RIMS1: variants seen among roughly 807,000 people sequenced by gnomAD.
The protein encoded by RIMS1 is regulating synaptic membrane exocytosis protein 1.
In RIMS1, 83 loss-of-function variants were observed where a neutral mutation model predicts 214.1. The observed-to-expected ratio is 0.39, with a 90% CI of 0.32 to 0.47. The LOEUF (loss-of-function observed/expected upper bound fraction) is 0.47. Among genes scored for constraint, RIMS1 ranks in the 20% least tolerant of loss-of-function variants. RIMS1 has a pLI of 0.99. For missense variants in RIMS1, 2,050 were observed against 2,161.8 expected (o/e 0.95, Z 1.03); for synonymous variants, 793 against 786.8 (o/e 1.01, Z -0.13).
intron 22 of RIMS1, among the ~76,000 whole-genome samples, chr6:72,272,206 C>T (rs1385066179): frequency 6.6e-6 from 1 of 152,026 alleles, no homozygotes; most frequent in African/African-American, 2.4e-5. Context: ...GTATATTTCT[C>T]AATAACCAGA....
At chr6:72,177,281 T>C (rs1291535869) in intron 4 of RIMS1, among the ~76,000 whole-genome samples, 1 of 152,218 alleles carries the variant, frequency 6.6e-6, no homozygotes, top group Non-Finnish European at 1.5e-5. Flanking sequence ...AGATGGAGTC[T>C]CGCTCTATCG....
chr6:72,008,798 A>C (rs1206051987), intron 2 of RIMS1, among the ~76,000 whole-genome samples: 1 of 152,216 alleles, frequency 6.6e-6, no homozygotes, highest in Non-Finnish European at 1.5e-5. Flanking sequence ...TATGCATGCA[A>C]TACAGGAGCA....
chr6:72,142,096 T>A (rs2042145060), intron 4 of RIMS1, among the ~76,000 whole-genome samples: 1 of 152,034 alleles, frequency 6.6e-6, no homozygotes, highest in South Asian at 2.1e-4. Context: ...ATCACTGTTT[T>A]TAAATTTGTA....
chr6:71,952,556 C>G (rs1452698709), intron 1 of RIMS1, among the ~76,000 whole-genome samples: 1 of 152,168 alleles, frequency 6.6e-6, no homozygotes, highest in Non-Finnish European at 1.5e-5. Flanking sequence ...GTGGTGTCCC[C>G]TCAGAGAGCA....
intron 6 of RIMS1, among the ~76,000 whole-genome samples, chr6:72,202,077 G>A (rs1477368612): frequency 6.6e-6 from 1 of 152,180 alleles, no homozygotes; most frequent in Non-Finnish European, 1.5e-5. Context: ...TTTAACTACT[G>A]AGCTAAACTT....
At chr6:72,281,725 C>T (rs1036823218) in intron 23 of RIMS1, among the ~76,000 whole-genome samples, 2 of 151,960 alleles carry the variant, frequency 1.3e-5, no homozygotes, top group Non-Finnish European at 2.9e-5. Context: ...ATCTCCTTCA[C>T]TTTACATCTT....
intron 4 of RIMS1, chr6:72,126,761 TAAAAAAAAAAA>T: frequency 8.1e-6 from 1 of 124,098 alleles, no homozygotes; most frequent in Non-Finnish European, 1.6e-5. Flanking sequence ...ATTAAAAAGT[TAAAAAAAAAAA>T]AAAAAAAAAA....
chr6:72,146,352 T>C (rs1453504236), intron 4 of RIMS1, among the ~76,000 whole-genome samples: 1 of 152,242 alleles, frequency 6.6e-6, no homozygotes, highest in Non-Finnish European at 1.5e-5. Context: ...CCTTTTATGT[T>C]ACACGAAAAT....
At position 72,182,563 on chromosome 6, in the gene RIMS1, C is replaced by T. The variant is rs2048531386; in HGVS notation, c.1092C>T (p.Tyr364=). 6 of 1,550,422 alleles carry T rather than the reference C, an allele frequency of 3.9e-6. No individual in the cohort carries two copies. Among genetic ancestry groups the T allele is most frequent in the Non-Finnish European group, 5.2e-6 (6 of 1,147,628 alleles). ...RYRSDPNLAR[Y]PVKPPPEEQQ... Reference sequence around the variant, plus strand: ...GCAGCGACCCGAACCTAGCTCGGTACCCGGTGAAACCGCCGCCTGAGGAGC... The same window carrying T: ...GCAGCGACCCGAACCTAGCTCGGTATCCGGTGAAACCGCCGCCTGAGGAGC... The change falls in exon 6 of 34, where the codon TAC becomes TAT. Residue 364 remains tyrosine, a synonymous_variant. Transcript: ENST00000521978.
At chr6:72,173,964 T>G (rs565045282) in intron 4 of RIMS1, among the ~76,000 whole-genome samples, 14 of 141,404 alleles carry the variant, frequency 9.9e-5, no homozygotes, top group South Asian at 2.3e-4. Context: ...AAGTGGTCAT[T>G]CTGCATATGG....
At chr6:71,899,766 C>T (rs989676827) in intron 1 of RIMS1, among the ~76,000 whole-genome samples, 2 of 152,110 alleles carry the variant, frequency 1.3e-5, no homozygotes, top group Admixed American at 6.6e-5. Context: ...CTGTAGCTAA[C>T]TGGACTAATG....
intron 4 of RIMS1, among the ~76,000 whole-genome samples, chr6:72,101,296 C>A (rs1199822167): frequency 6.6e-6 from 1 of 151,894 alleles, no homozygotes; most frequent in African/African-American, 2.4e-5. Flanking sequence ...GTGGAAAGAC[C>A]TGTAAAATAT....
At chr6:72,022,277 T>A (rs1012638534) in intron 2 of RIMS1, among the ~76,000 whole-genome samples, 1 of 152,154 alleles carries the variant, frequency 6.6e-6, no homozygotes, top group Non-Finnish European at 1.5e-5. Flanking sequence ...TGTTTACACA[T>A]AAAGGTGGAG....
At chr6:72,380,709 T>G (rs550108232) in intron 29 of RIMS1, among the ~76,000 whole-genome samples, 1 of 152,212 alleles carries the variant, frequency 6.6e-6, no homozygotes, top group Admixed American at 6.5e-5. Context: ...TACTTTTTTT[T>G]AAAATTGAGA....
intron 4 of RIMS1, among the ~76,000 whole-genome samples, chr6:72,100,376 C>A (rs1272335647): frequency 6.6e-6 from 1 of 151,916 alleles, no homozygotes; most frequent in Non-Finnish European, 1.5e-5. Context: ...ATGGAAAACA[C>A]TTAGTAAAGG....
intron 2 of RIMS1, among the ~76,000 whole-genome samples, chr6:72,059,099 A>G (rs1290477723): frequency 6.6e-6 from 1 of 152,222 alleles, no homozygotes; most frequent in Non-Finnish European, 1.5e-5. Context: ...ATTCATGATT[A>G]TCACTGGGAA....
chr6:72,194,548 C>A lies in RIMS1; in HGVS notation c.1678+11399C>A, dbSNP rs1047200437. Among the ~76,000 whole-genome samples the A allele has an allele frequency of 2.0e-5, 3 of 151,782 alleles. No individual in the cohort carries two copies. In the South Asian group the frequency reaches 6.2e-4, roughly 31 times the overall value. Reference sequence around the variant, plus strand: ...TTTATATTCTATTGAGAAAAATAAACAATAAGGAATAATTACACAATAAAA... The same window carrying A: ...TTTATATTCTATTGAGAAAAATAAAAAATAAGGAATAATTACACAATAAAA... On this transcript the variant is annotated intron_variant, in intron 6 of 33. Transcript: ENST00000521978.
intron 2 of RIMS1, among the ~76,000 whole-genome samples, chr6:72,019,547 A>G (rs1332089036): frequency 6.6e-6 from 1 of 152,222 alleles, no homozygotes; most frequent in Non-Finnish European, 1.5e-5. Flanking sequence ...AATTTGTGAT[A>G]GAGATAATGC....
In RIMS1 at chr6:72,333,727, G is replaced by A. The variant is rs751010520; in HGVS notation, c.4258G>A (p.Val1420Met). ...HNDGSQSDTA[V>M]GTVGAGGKKR... ...TGACGGCAGCCAGTCAGACACAGCT[G>A]TGGGTACAGTTGGAGCAGGTGGAAA... The change falls in exon 29 of 34, where the codon GTG (valine) becomes ATG (methionine). Residue 1420 changes from valine to methionine, a missense_variant. By Grantham distance (21) the Val-to-Met change is conservative. Transcript: ENST00000521978. 33 of 1,599,296 alleles carry A rather than the reference G, an allele frequency of 2.1e-5. No homozygotes were observed. Among genetic ancestry groups the A allele is most frequent in the Non-Finnish European group, 2.8e-5 (33 of 1,172,824 alleles).
Sources: allele counts gnomAD v4.1 joint callset (sites outside exome capture counted in the v4.1 genomes callset), GRCh38; gene constraint gnomAD v4.1.1; transcripts MANE v1.5; gene names NCBI Gene and HGNC (gene_info 2026-07-23, HGNC 2026-07-21).